Variants in CAPN11 observed in about 807,000 individuals in gnomAD.
CAPN11 encodes the protein calpain-11.
CAPN11 carries 108 observed loss-of-function variants against 105.3 expected under a neutral mutation model. The observed-to-expected ratio is 1.03, with a 90% CI of 0.88 to 1.20. The LOEUF is 1.20. Among genes scored for constraint, CAPN11 ranks in the 50% most tolerant of loss-of-function variants. The pLI is 0.00. For synonymous variants in CAPN11, 329 were observed against 344.5 expected (o/e 0.96, Z 0.50); for missense variants, 883 against 924.8 (o/e 0.95, Z 0.59).
chr6:44,179,920 C>T (rs1210752910), intron 13 of CAPN11, 32 bp from the exon 14 acceptor site: 1 of 1,531,414 alleles, frequency 6.5e-7, no homozygotes, highest in Admixed American at 1.7e-5. Flanking sequence ...CCTCCCATGC[C>T]AGTCCTGTAC....
intron 12 of CAPN11, among the ~76,000 whole-genome samples, chr6:44,177,919 G>A (rs968934089): frequency 1.3e-5 from 2 of 152,050 alleles, no homozygotes; most frequent in African/African-American, 4.8e-5. Context: ...ATGCAGTGGC[G>A]TGATTACGGC....
At chr6:44,160,004 G>A (rs537609187) in intron 1 of CAPN11, among the ~76,000 whole-genome samples, 48 of 152,142 alleles carry the variant, frequency 3.2e-4, no homozygotes, top group Admixed American at 6.5e-4. Context: ...CGTGGTGGCG[G>A]GCGCCTGTAA....
chr6:44,172,224 C>T, intron 4 of CAPN11, 78 bp from the exon 5 acceptor site: 1 of 930,798 alleles, frequency 1.1e-6, no homozygotes. Flanking sequence ...GTTCCTGCTC[C>T]CCTAGGCCTT....
chr6:44,183,095 C>A (rs1406702047), intron 20 of CAPN11, 24 bp from the exon 21 acceptor site: 1 of 1,600,212 alleles, frequency 6.2e-7, no homozygotes, highest in Non-Finnish European at 8.6e-7. Flanking sequence ...TTTTCCCCTC[C>A]CCACTTCTCT....
At position 44,183,906 on chromosome 6, in the gene CAPN11, T is replaced by A. The variant is rs1001874603; in HGVS notation, c.2194T>A (p.Trp732Arg). The change falls in exon 23 of 23, where the codon TGG becomes AGG. Residue 732 changes from tryptophan (W) to arginine (R), a missense_variant and splice_region_variant. Trp to Arg is a moderately radical substitution (Grantham distance 101, BLOSUM62 -3). Coordinates refer to ENST00000398776, the MANE Select transcript of CAPN11 (RefSeq NM_007058.4). Reference protein sequence around the residue: ...TGHICLSLEQWLQMTMWG With the variant: ...TGHICLSLEQRLQMTMWG ...TGGGATCTGCTTCCTGTCTCCACAG[T>A]GGCTGCAGATGACCATGTGGGGATA... 6.4e-7 allele frequency: 1 copy of A among 1,558,198 alleles called. No individual in the cohort carries two copies. The highest frequency in any genetic ancestry group is 8.7e-7 in the Non-Finnish European group (1 of 1,150,700).
chr6:44,163,985 A>G (rs1427644724), intron 1 of CAPN11, among the ~76,000 whole-genome samples: 1 of 152,254 alleles, frequency 6.6e-6, no homozygotes, highest in South Asian at 2.1e-4. Context: ...CCACAGGCAC[A>G]TGCTACCATG....
At chr6:44,166,937 GT>G in intron 2 of CAPN11, 108 bp downstream of exon 2, 2 of 630,042 alleles carry the variant, frequency 3.2e-6, no homozygotes, top group Non-Finnish European at 5.6e-6. Flanking sequence ...GTCATGTTGT[GT>G]GGGGAGGGCG....
chr6:44,180,636 C>A lies in CAPN11; in HGVS notation c.1720C>A (p.His574Asn), dbSNP rs746523263. ...SEDDMDQDFL[H>N]LFKIVAGEGK... The stretch of plus-strand genomic sequence containing the variant: ...GGATGACATGGACCAGGACTTCCTA[C>A]ATTTGTTTAAGATAGTGGCAGGAGA... The change falls in exon 16 of 23, where the codon CAT becomes AAT. Residue 574 changes from histidine (H) to asparagine (N), a missense_variant. Physicochemically the swap from His to Asn is moderately conservative, Grantham distance 68. Transcript: ENST00000398776. 26 of 1,613,570 alleles carry A rather than the reference C, an allele frequency of 1.6e-5. No individual in the cohort carries two copies. The highest frequency in any genetic ancestry group is 2.0e-5 in the Non-Finnish European group (24 of 1,179,800).
Position 44,169,372 on chromosome 6 carries a change from C to T in CAPN11, c.180C>T (p.Asn60=). 1 of 1,614,050 alleles carries T rather than the reference C, an allele frequency of 6.2e-7. No homozygotes were observed. Among genetic ancestry groups the T allele is most frequent in the South Asian group, 1.1e-5 (1 of 91,086 alleles). Residue 60 remains asparagine (N), a synonymous_variant, in exon 3 of 23, where the codon AAC becomes AAT. Coordinates refer to ENST00000398776, the MANE Select transcript of CAPN11 (RefSeq NM_007058.4). ...TGGGCCAGCACGACAACGCCCAGAA[C>T]TTTGGTAACCAGAGCTTTGAGGAGC... The part of the protein sequence containing the change: ...KGVGQHDNAQ[N]FGNQSFEELR...
chr6:44,182,709 G>A (rs1561856280), intron 19 of CAPN11, among the ~76,000 whole-genome samples: 1 of 152,094 alleles, frequency 6.6e-6, no homozygotes, highest in East Asian at 1.9e-4. Context: ...GACTAGCTGG[G>A]ATTACAGGCA....
intron 3 of CAPN11, 28 bp from the exon 4 acceptor site, chr6:44,169,878 C>T: frequency 6.4e-7 from 1 of 1,565,382 alleles, no homozygotes; most frequent in Non-Finnish European, 8.8e-7. Context: ...GTCCTGGGCC[C>T]CCTGAAACCT....
At chr6:44,178,325 A>T (rs1582882983) in intron 12 of CAPN11, among the ~76,000 whole-genome samples, 1 of 152,190 alleles carries the variant, frequency 6.6e-6, no homozygotes, top group East Asian at 1.9e-4. Context: ...CCCGCCCGAC[A>T]ATCCATCCCC....
At chr6:44,168,603 A>T (rs1016122477) in intron 2 of CAPN11, among the ~76,000 whole-genome samples, 5 of 150,984 alleles carry the variant, frequency 3.3e-5, no homozygotes, top group Non-Finnish European at 7.4e-5. Context: ...TCTTTCATTT[A>T]AAAAAAATAT....
intron 7 of CAPN11, 39 bp downstream of exon 7, chr6:44,173,425 T>C (rs748051424): frequency 3.7e-6 from 5 of 1,353,390 alleles, no homozygotes; most frequent in Non-Finnish European, 5.1e-6. Context: ...CCTTTGCACC[T>C]GCTGTTGCTG....
At position 44,173,140 on chromosome 6, in the gene CAPN11, G is replaced by T. The variant is rs1334631180; in HGVS notation, c.662+67G>T. On this transcript the variant is annotated intron_variant, in intron 6 of 22. Coordinates refer to ENST00000398776, the MANE Select transcript of CAPN11 (RefSeq NM_007058.4). The stretch of plus-strand genomic sequence containing the variant: ...GTCTGGACAGCTGGAATCAGGGGGA[G>T]GGGAGGGGGTAGCAGGACATCCCTC... The T allele has an allele frequency of 3.7e-6, 6 of 1,603,762 alleles. No individual in the cohort carries two copies. In the East Asian group the frequency reaches 1.3e-4, roughly 36 times the overall value.
Position 44,176,981 on chromosome 6 carries a change from G to A in CAPN11, c.1220G>A (p.Gly407Asp), listed in dbSNP as rs1561849018. Residue 407 changes from glycine (G) to aspartate (D), a missense_variant, in exon 11 of 23, where the codon GGC becomes GAC. By Grantham distance (94) the Gly-to-Asp change is moderately conservative. Coordinates refer to ENST00000398776, the MANE Select transcript of CAPN11 (RefSeq NM_007058.4). ...TGGCGCAGAGGCAGCTCCGCAGGGG[G>A]CTGCAGGAACCACCCTGGTGGGTGA... ...GSWRRGSSAG[G>D]CRNHPGTFWT... 2.5e-6 allele frequency: 4 copies of A among 1,613,330 alleles called. No individual in the cohort carries two copies. Among genetic ancestry groups the A allele is most frequent in the Non-Finnish European group, 3.4e-6 (4 of 1,179,802 alleles).
rs1339524840 is a variant in CAPN11 at position 44,172,283 on chromosome 6, G to A, written c.410-19G>A. 3 of 1,535,704 alleles carry A rather than the reference G, an allele frequency of 2.0e-6. No homozygotes were observed. Among genetic ancestry groups the A allele is most frequent in the Admixed American group, 4.0e-5 (2 of 50,296 alleles). On this transcript the variant is annotated intron_variant, in intron 4 of 22. Transcript: ENST00000398776. ...TATGGGGTTGCTCAGGGGTGGCAAA[G>A]CCCTGCCTGTCTTTCCAGGGGACTG...
chr6:44,183,328 C>T, intron 21 of CAPN11, 93 bp downstream of exon 21: 1 of 788,930 alleles, frequency 1.3e-6, no homozygotes, highest in Non-Finnish European at 2.2e-6. Context: ...TCCAGATCCC[C>T]TCCCCCTTAC....
intron 1 of CAPN11, among the ~76,000 whole-genome samples, chr6:44,163,367 C>T (rs1561837711): frequency 6.6e-6 from 1 of 152,180 alleles, no homozygotes; most frequent in Non-Finnish European, 1.5e-5. Context: ...AAAGACCACA[C>T]ACAAGTTGCA....
Sources: gnomAD v4.1 joint callset for allele counts (sites outside exome capture counted in the v4.1 genomes callset) on GRCh38, gnomAD v4.1.1 for gene constraint, MANE v1.5 for transcripts, NCBI Gene and HGNC (gene_info 2026-07-23, HGNC 2026-07-21) for gene names.